Variants in RNF111 observed in about 807,000 individuals in gnomAD.
RNF111 encodes ring finger protein 111, also known as E3 ubiquitin-protein ligase Arkadia.
In RNF111, 17 loss-of-function variants were observed where a neutral mutation model predicts 95.1. The observed-to-expected ratio is 0.18, with a 90% CI of 0.12 to 0.27. RNF111 has a LOEUF of 0.27. RNF111 is among the 10% of genes least tolerant of loss of function. The probability of loss-of-function intolerance (pLI) is 1.00; values close to 1 mark genes in which losing one functional copy is unlikely to be tolerated. For missense variants in RNF111, 1,189 were observed against 1,210.4 expected (o/e 0.98, Z 0.26); for synonymous variants, 440 against 414.8 (o/e 1.06, Z -0.74).
intron 6 of RNF111, among the ~76,000 whole-genome samples, chr15:59,071,956 A>G (rs1464202102): frequency 1.3e-5 from 2 of 152,232 alleles, no homozygotes; most frequent in Non-Finnish European, 2.9e-5. Context: ...TACTAAGTCC[A>G]CTGCACAGTG....
chr15:59,083,726 C>A (rs150024858), intron 8 of RNF111, among the ~76,000 whole-genome samples: 509 of 152,144 alleles, frequency 3.3e-3, no homozygotes, highest in African/African-American at 0.012. Flanking sequence ...ATGTGTCCTG[C>A]TTTAATGTTT....
intron 2 of RNF111, among the ~76,000 whole-genome samples, chr15:59,039,211 G>T (rs771272246): frequency 6.6e-6 from 1 of 152,034 alleles, no homozygotes. Flanking sequence ...TCATCTGCCC[G>T]CCTTGGCCTC....
chr15:59,030,180 G>C (rs1039414126), intron 1 of RNF111, among the ~76,000 whole-genome samples: 3 of 152,026 alleles, frequency 2.0e-5, no homozygotes, highest in Admixed American at 6.5e-5. Flanking sequence ...CACAGTCTTG[G>C]CTCTAATCTT....
chr15:59,047,183 A>G (rs1233213708), intron 2 of RNF111, among the ~76,000 whole-genome samples: 1 of 152,188 alleles, frequency 6.6e-6, no homozygotes, highest in African/African-American at 2.4e-5. Flanking sequence ...ACAGAAGAAT[A>G]GACATTTCAC....
chr15:59,017,067 ATAT>A (rs565639814), intron 1 of RNF111, among the ~76,000 whole-genome samples: 153 of 152,012 alleles, frequency 1.0e-3, no homozygotes, highest in African/African-American at 3.5e-3. Flanking sequence ...GAATTGTATA[ATAT>A]TATATATTGC....
chr15:59,049,192 C>T (rs756182104), intron 2 of RNF111, among the ~76,000 whole-genome samples: 2 of 152,140 alleles, frequency 1.3e-5, no homozygotes, highest in South Asian at 2.1e-4. Flanking sequence ...TCTTTCTCCT[C>T]GCTCTGACCC....
At chr15:59,000,820 A>G (rs1420361414) in intron 1 of RNF111, among the ~76,000 whole-genome samples, 1 of 151,980 alleles carries the variant, frequency 6.6e-6, no homozygotes. Context: ...AGAATTTTTG[A>G]TTATTTTAAA....
chr15:59,078,838 G>T (rs190239986), intron 7 of RNF111, among the ~76,000 whole-genome samples: 1 of 149,424 alleles, frequency 6.7e-6, no homozygotes, highest in Non-Finnish European at 1.5e-5. Flanking sequence ...CAGCCTGGGC[G>T]ATAGAGCGAG....
At chr15:59,046,859 C>G (rs982448879) in intron 2 of RNF111, among the ~76,000 whole-genome samples, 2 of 152,028 alleles carry the variant, frequency 1.3e-5, no homozygotes, top group African/African-American at 4.8e-5. Context: ...ATAAGGAACT[C>G]TTTATTTTTT....
At chr15:59,067,369 C>T (rs1392924050) in intron 6 of RNF111, among the ~76,000 whole-genome samples, 1 of 151,536 alleles carries the variant, frequency 6.6e-6, no homozygotes, top group East Asian at 1.9e-4. Context: ...TCCCCTTCCC[C>T]TTCTTCCTGT....
chr15:58,994,033 ATTTTTTTT>A (rs371453519), intron 1 of RNF111, among the ~76,000 whole-genome samples: 5 of 103,106 alleles, frequency 4.8e-5, no homozygotes, highest in East Asian at 3.1e-4. Context: ...TGTTACTTAA[ATTTTTTTT>A]TTTTTTTTTT....
rs562337374 is a variant in RNF111, at chr15:59,058,547, G to A, written c.1363G>A (p.Gly455Arg). The part of the protein sequence containing the change: ...TSNSTTGTSI[G>R]DDSRRTTSSA... The stretch of plus-strand genomic sequence containing the variant: ...CAATAGTACCACTGGCACTTCTATA[G>A]GAGGTATGTAAAAAAGTGGGGGAGG... The change falls in exon 5 of 14, where the codon GGA (glycine) becomes AGA (arginine). Residue 455 changes from glycine (G) to arginine (R), a missense_variant. This residue lies in a region of RNF111 where 1,024 missense variants were observed against 925.9 expected (regional missense o/e 1.11). Coordinates refer to ENST00000348370, the MANE Select transcript of RNF111 (RefSeq NM_017610.8). 1.1e-5 allele frequency: 18 copies of A among 1,613,682 alleles called. No individual in the cohort carries two copies. The highest frequency in any genetic ancestry group is 8.9e-5 in the East Asian group (4 of 44,878).
chr15:58,996,571 A>C (rs2039080994), intron 1 of RNF111, among the ~76,000 whole-genome samples: 1 of 150,714 alleles, frequency 6.6e-6, no homozygotes, highest in Admixed American at 6.7e-5. Flanking sequence ...GTAGAGCAAG[A>C]CTCCATCTCA....
At chr15:59,045,481 G>A (rs546593844) in intron 2 of RNF111, among the ~76,000 whole-genome samples, 2 of 152,152 alleles carry the variant, frequency 1.3e-5, no homozygotes, top group East Asian at 1.9e-4. Flanking sequence ...GAGACACTGC[G>A]CCCGGCCTTA....
chr15:59,064,561 A>G (rs534223969), intron 5 of RNF111, among the ~76,000 whole-genome samples: 1 of 150,696 alleles, frequency 6.6e-6, no homozygotes, highest in African/African-American at 2.4e-5. Flanking sequence ...AAAGGAAATA[A>G]TTTGTCGACT....
intron 1 of RNF111, among the ~76,000 whole-genome samples, chr15:59,008,344 A>C (rs1334117695): frequency 6.6e-6 from 1 of 152,120 alleles, no homozygotes; most frequent in Non-Finnish European, 1.5e-5. Flanking sequence ...CAGCCTCCTG[A>C]GTAGCTGAGA....
chr15:59,007,474 G>A (rs569880459), intron 1 of RNF111, among the ~76,000 whole-genome samples: 7 of 152,230 alleles, frequency 4.6e-5, no homozygotes, highest in African/African-American at 1.7e-4. Flanking sequence ...CATTCACTTG[G>A]AGATTTATTT....
chr15:59,048,419 G>A (rs748533690), intron 2 of RNF111, among the ~76,000 whole-genome samples: 9 of 152,234 alleles, frequency 5.9e-5, no homozygotes, highest in Non-Finnish European at 8.8e-5. Flanking sequence ...ACAGAGAGCA[G>A]ATCAGTTGTT....
intron 5 of RNF111, among the ~76,000 whole-genome samples, chr15:59,064,334 G>C (rs1170551032): frequency 7.2e-5 from 11 of 152,010 alleles, no homozygotes. Flanking sequence ...AGGAGATCGA[G>C]ACCATCCTGG....
Sources: gnomAD v4.1 joint callset for allele counts (sites outside exome capture counted in the v4.1 genomes callset) on GRCh38, gnomAD v4.1.1 for gene constraint, gnomAD v4.1.1 regional missense constraint, MANE v1.5 for transcripts, NCBI Gene and HGNC (gene_info 2026-07-23, HGNC 2026-07-21) for gene names.